PNPT1: variants seen among roughly 807,000 people sequenced by gnomAD.
PNPT1 encodes the protein polyribonucleotide nucleotidyltransferase 1, mitochondrial.
PNPT1 carries 53 observed loss-of-function variants against 119.5 expected under a neutral mutation model. The observed-to-expected ratio is 0.44, with a 90% confidence interval of 0.36 to 0.56. The LOEUF is 0.56. Among genes scored for constraint, PNPT1 ranks in the 20% least tolerant of loss-of-function variants. The pLI is 0.00. For synonymous variants in PNPT1, 357 were observed against 322.1 expected (o/e 1.11, Z -1.16); for missense variants, 948 against 938.5 (o/e 1.01, Z -0.13).
At chr2:55,693,437 G>C (rs1252867756) in intron 1 of PNPT1, among the ~76,000 whole-genome samples, 2 of 152,156 alleles carry the variant, frequency 1.3e-5, no homozygotes, top group Non-Finnish European at 2.9e-5. Flanking sequence ...GTCGGATGGA[G>C]CAAAGAAGCC....
chr2:55,681,971 C>A (rs1697262504), intron 5 of PNPT1, among the ~76,000 whole-genome samples: 1 of 151,858 alleles, frequency 6.6e-6, no homozygotes, highest in African/African-American at 2.4e-5. Flanking sequence ...GAAACCCCGT[C>A]TCTACTAAAA....
intron 11 of PNPT1, among the ~76,000 whole-genome samples, chr2:55,668,607 T>C (rs920551484): frequency 2.7e-5 from 4 of 147,894 alleles, no homozygotes; most frequent in Non-Finnish European, 6.0e-5. Context: ...TCTGACAGTC[T>C]TTTTTTTTTG....
intron 23 of PNPT1, 96 bp from the exon 24 acceptor site, chr2:55,643,521 G>A (rs973169398): frequency 4.8e-5 from 50 of 1,043,598 alleles, no homozygotes; most frequent in East Asian, 9.9e-5. Flanking sequence ...GAGGTGGGAG[G>A]ATCACTTGAG....
chr2:55,678,037 G>A (rs541599331), intron 8 of PNPT1, among the ~76,000 whole-genome samples: 47 of 152,236 alleles, frequency 3.1e-4, no homozygotes, highest in African/African-American at 1.0e-3. Flanking sequence ...CACTATGCCC[G>A]GCCATTTCTG....
At chr2:55,674,755 A>G (rs899976157) in intron 8 of PNPT1, among the ~76,000 whole-genome samples, 6 of 152,196 alleles carry the variant, frequency 3.9e-5, no homozygotes, top group African/African-American at 1.4e-4. Flanking sequence ...TAACAATTGC[A>G]TTCCAAATGG....
rs776791476 is a variant in PNPT1 at position 55,643,448 on chromosome 2, T to C, written c.1907-23A>G. On this transcript the variant is annotated intron_variant, in intron 23 of 27. Transcript: ENST00000447944. ...CACCTTTTAAAAACAAAATGTAACA[T>C]ATTAAAGTTAACTTGGCTGGGCATA... The C allele has an allele frequency of 1.9e-6, 3 of 1,602,104 alleles. No homozygotes were observed. In the Admixed American group the frequency reaches 5.0e-5, roughly 27 times the overall value.
Position 55,654,798 on chromosome 2 carries a change from A to T in PNPT1, c.1495+102T>A, listed in dbSNP as rs1572807693. 5.6e-6 allele frequency: 6 copies of T among 1,081,064 alleles called. No individual in the cohort carries two copies. In the Admixed American group the frequency reaches 1.3e-4, roughly 23 times the overall value. The allele number at this position is 1,081,064 out of a possible 1,614,324, so 67.0% of individuals were successfully genotyped here. On this transcript the variant is annotated intron_variant, in intron 18 of 27. Coordinates refer to ENST00000447944, the MANE Select transcript of PNPT1 (RefSeq NM_033109.5). ...GCTATGTTGCCCAGGCTGGTCTTGAACTCCCAGCCTCAAGTGAGCCTCCTG... is the reference window on the plus strand; with the variant it reads ...GCTATGTTGCCCAGGCTGGTCTTGATCTCCCAGCCTCAAGTGAGCCTCCTG...
At chr2:55,658,536 A>G (rs1012488479) in intron 15 of PNPT1, among the ~76,000 whole-genome samples, 5 of 152,284 alleles carry the variant, frequency 3.3e-5, no homozygotes, top group Admixed American at 2.6e-4. Context: ...GCTTTATTTT[A>G]TAATAAAGAG....
intron 18 of PNPT1, among the ~76,000 whole-genome samples, chr2:55,650,110 T>A (rs1209640279): frequency 6.7e-6 from 1 of 149,926 alleles, no homozygotes; most frequent in Non-Finnish European, 1.5e-5. Context: ...AATTCTTACT[T>A]AAAAAAAATC....
intron 18 of PNPT1, among the ~76,000 whole-genome samples, chr2:55,652,425 A>AT (rs1696240767): frequency 6.6e-6 from 1 of 152,120 alleles, no homozygotes; most frequent in African/African-American, 2.4e-5. Flanking sequence ...TAAGCTCCAT[A>AT]TTTTTTTATC....
chr2:55,646,554 A>C, intron 19 of PNPT1, 68 bp from the exon 20 acceptor site: 1 of 1,306,432 alleles, frequency 7.7e-7, no homozygotes, highest in Non-Finnish European at 1.1e-6. Flanking sequence ...TCACTGTAGA[A>C]ACATTTCAAA....
At chr2:55,673,636 C>T (rs1696980005) in intron 8 of PNPT1, among the ~76,000 whole-genome samples, 1 of 151,908 alleles carries the variant, frequency 6.6e-6, no homozygotes, top group East Asian at 1.9e-4. Context: ...TTTTAGTAGA[C>T]ATGGGGTTTC....
chr2:55,636,786 C>A (rs1191508527), intron 27 of PNPT1, among the ~76,000 whole-genome samples: 3 of 152,092 alleles, frequency 2.0e-5, no homozygotes, highest in African/African-American at 7.2e-5. Context: ...GCTCAAAGGA[C>A]CAACACATTA....
At chr2:55,639,666 T>C (rs1695781362) in intron 26 of PNPT1, among the ~76,000 whole-genome samples, 1 of 152,232 alleles carries the variant, frequency 6.6e-6, no homozygotes. Context: ...AGCTTCTGCA[T>C]ATAAGCATTT....
chr2:55,640,246 C>T lies in PNPT1; in HGVS notation c.2148+381G>A, dbSNP rs578051260. Among the ~76,000 whole-genome samples the T allele has an allele frequency of 3.3e-5, 5 of 152,246 alleles. No individual in the cohort carries two copies. In the East Asian group the frequency reaches 7.7e-4, roughly 24 times the overall value. ...TTGGCTCACCGCATCCTCCGCCTCC[C>T]GGGTTCAAGCGATTCTCCTTCCTCA... On this transcript the variant is annotated intron_variant, in intron 26 of 27. Transcript: ENST00000447944.
rs1467169106 is a variant in PNPT1, at chr2:55,652,432, T to TA, written c.1495+2467dup. Reference sequence around the variant, plus strand: ...TAAACTATTAAGCTCCATATTTTTTTATCCTGCTCAATTTTGTCAGTCACC... The same window carrying TA: ...TAAACTATTAAGCTCCATATTTTTTTAATCCTGCTCAATTTTGTCAGTCACC... On this transcript the variant is annotated intron_variant, in intron 18 of 27. Coordinates refer to ENST00000447944, the MANE Select transcript of PNPT1 (RefSeq NM_033109.5). Among the ~76,000 whole-genome samples the TA allele has an allele frequency of 2.0e-5, 3 of 152,254 alleles. No homozygotes were observed. The East Asian group carries it at 5.8e-4, about 29-fold the overall frequency.
chr2:55,670,437 C>T (rs781337005), intron 11 of PNPT1, among the ~76,000 whole-genome samples: 19 of 149,834 alleles, frequency 1.3e-4, no homozygotes, highest in Non-Finnish European at 2.4e-4. Flanking sequence ...CTGTCTGCCT[C>T]GGCCGCCCAA....
intron 15 of PNPT1, 97 bp downstream of exon 15, chr2:55,660,060 C>T (rs1173089006): frequency 4.0e-6 from 5 of 1,235,950 alleles, no homozygotes; most frequent in Admixed American, 5.8e-5. Flanking sequence ...GCTGAGACTG[C>T]ACCACTCCAC....
intron 1 of PNPT1, among the ~76,000 whole-genome samples, chr2:55,692,981 C>A (rs989386694): frequency 2.6e-5 from 4 of 152,146 alleles, no homozygotes; most frequent in Non-Finnish European, 2.9e-5. Flanking sequence ...CTCTCTCTCT[C>A]CCCTGCCTCC....
Sources: allele counts gnomAD v4.1 joint callset (sites outside exome capture counted in the v4.1 genomes callset), GRCh38; gene constraint gnomAD v4.1.1; transcripts MANE v1.5; gene names NCBI Gene and HGNC (gene_info 2026-07-23, HGNC 2026-07-21).